The following NBPF8 variants were observed in gnomAD, a reference collection of about 807,000 sequenced individuals.
NBPF8 encodes NBPF member 8.
chr1:120,460,342 C>A lies in NBPF8; in HGVS notation n.2785-231C>A, dbSNP rs1366144191. Among the ~76,000 whole-genome samples, 3 of 152,068 alleles carry A rather than the reference C, an allele frequency of 2.0e-5. No individual in the cohort carries two copies. The South Asian group carries it at 6.2e-4, about 31-fold the overall frequency. ...GTGTACATAAACCTAGGACAGAGCA[C>A]ATAGGGAAGATAACATTCCAACTCA... On this transcript the variant is annotated intron_variant and non_coding_transcript_variant, in intron 17 of 24. Coordinates refer to ENST00000583271, the Ensembl canonical transcript of NBPF8.
upstream of NBPF8, among the ~76,000 whole-genome samples, chr1:120,434,341 T>TG (rs1661006299): frequency 6.8e-6 from 1 of 147,316 alleles, no homozygotes. Flanking sequence ...TATATATTCA[T>TG]GTGTGTGTAT....
exon 1 of NBPF8, chr1:120,436,536 C>A: frequency 1.3e-6 from 2 of 1,532,586 alleles, no homozygotes; most frequent in East Asian, 4.5e-5. Flanking sequence ...GTGGTATCAG[C>A]CGGCCCTTGG....
At chr1:120,422,960 T>C (rs1332251200) in intron 1 of NBPF8, among the ~76,000 whole-genome samples, 1 of 102 alleles carries the variant, frequency 9.8e-3, no homozygotes, top group Non-Finnish European at 0.02. Context: ...ATCTTTCACC[T>C]TTTTTTTTTT....
chr1:120,466,178 GTCTCT>G, exon 25 of NBPF8: 6 of 1,609,640 alleles, frequency 3.7e-6, no homozygotes, highest in African/African-American at 1.3e-5. Flanking sequence ...ACGGTGACAA[GTCTCT>G]ATCTGGTCTT....
Position 120,431,252 on chromosome 1 carries a change from C to CGT in NBPF8, n.510+3434_510+3435dup, listed in dbSNP as rs1173094212. 4.8e-3 allele frequency among the ~76,000 whole-genome samples: 603 copies of CGT among 125,310 alleles called. 1 individual carries two copies. The highest frequency in any genetic ancestry group is 0.021 in the Middle Eastern group (5 of 240). 82.2% of individuals were successfully genotyped at this position (125,310 alleles called of 152,430 possible). A position where few individuals can be genotyped will look rare whatever the true frequency, so the allele number is the denominator to read the frequency against. ...ATGTATACACACATACACACACAAA[C>CGT]GTGTGTGTGTGTGTGTGTGTGTGTG... On this transcript the variant is annotated intron_variant and non_coding_transcript_variant, in intron 3 of 28. Transcript: ENST00000652355.
rs1661284140 is a variant in NBPF8 at position 120,451,863 on chromosome 1, A to C, written n.2075-254A>C. Among the ~76,000 whole-genome samples, 3 of 151,262 alleles carry C rather than the reference A, an allele frequency of 2.0e-5. No individual in the cohort carries two copies. The South Asian group carries it at 6.3e-4, about 32-fold the overall frequency. On this transcript the variant is annotated intron_variant and non_coding_transcript_variant, in intron 12 of 24. Transcript: ENST00000583271. Reference sequence around the variant, plus strand: ...CTTTTTGAAATGGAATTAGGAAGACACCTACTTTTGTTTACAGAAGAGAAA... The same window carrying C: ...CTTTTTGAAATGGAATTAGGAAGACCCCTACTTTTGTTTACAGAAGAGAAA...
chr1:120,450,858 G>T (rs1661247979), intron 11 of NBPF8, among the ~76,000 whole-genome samples: 1 of 151,874 alleles, frequency 6.6e-6, no homozygotes, highest in African/African-American at 2.4e-5. Context: ...TAGAGGAGAG[G>T]CTGCAAGGCT....
Position 120,464,447 on chromosome 1 carries a change from C to T in NBPF8, n.3358C>T, listed in dbSNP as rs1473057997. ...GACTCACTGGATAGATGTTATTCAA[C>T]TCCTTCCAGTTGTCTTGAACAGCCT... On this transcript the variant is annotated non_coding_transcript_exon_variant, in exon 23 of 25. Coordinates refer to ENST00000583271, the Ensembl canonical transcript of NBPF8. 1.8e-5 allele frequency: 14 copies of T among 785,618 alleles called. 1 individual carries two copies. The Admixed American group carries it at 2.4e-4, about 13-fold the overall frequency. 48.7% of individuals were successfully genotyped at this position (785,618 alleles called of 1,614,324 possible). A position where few individuals can be genotyped will look rare whatever the true frequency, so the allele number is the denominator to read the frequency against.
chr1:120,463,026 T>C (rs1375605643), intron 21 of NBPF8, 60 bp downstream of exon 19: 18 of 613,418 alleles, frequency 2.9e-5, no homozygotes, highest in Non-Finnish European at 4.8e-5. Flanking sequence ...AGGGGTGATA[T>C]TCCTGTTCCA....
chr1:120,454,508 C>A (rs1661378585), intron 15 of NBPF8, among the ~76,000 whole-genome samples: 2 of 152,014 alleles, frequency 1.3e-5, no homozygotes, highest in Non-Finnish European at 2.9e-5. Context: ...ATTATTGTTC[C>A]CCAGGCTTCA....
chr1:120,425,900 T>TC (rs1338070802), intron 2 of NBPF8, among the ~76,000 whole-genome samples: 2 of 115,482 alleles, frequency 1.7e-5, no homozygotes, highest in African/African-American at 6.9e-5. Context: ...TTGATTTTTT[T>TC]CTCTTAGAGG....
chr1:120,459,455 G>T, exon 17 of NBPF8: 2 of 1,610,788 alleles, frequency 1.2e-6, no homozygotes, highest in Non-Finnish European at 1.7e-6. Context: ...TGAAATGTTG[G>T]CCTCGTACAA....
chr1:120,434,339 C>T (rs1211434388), upstream of NBPF8, among the ~76,000 whole-genome samples: 18 of 143,978 alleles, frequency 1.3e-4, no homozygotes, highest in Admixed American at 5.6e-4. Context: ...TATATATATT[C>T]ATGTGTGTGT....
chr1:120,415,034 C>G (rs2938055), upstream of NBPF8, among the ~76,000 whole-genome samples: 2 of 151,988 alleles, frequency 1.3e-5, no homozygotes. Flanking sequence ...CCTGACGCGC[C>G]GAGCGGGACC....
intron 17 of NBPF8, 148 bp from the exon 16 acceptor site, chr1:120,460,425 C>T: frequency 2.7e-6 from 2 of 753,406 alleles, no homozygotes; most frequent in Non-Finnish European, 4.8e-6. Context: ...AAGACTTGAC[C>T]TCAGGCCTAC....
intron 1 of NBPF8, among the ~76,000 whole-genome samples, chr1:120,422,829 A>G (rs1197220159): frequency 9.2e-6 from 1 of 108,402 alleles, no homozygotes. Flanking sequence ...TGTTTTAGCC[A>G]TTCTGATAGG....
intron 1 of NBPF8, among the ~76,000 whole-genome samples, chr1:120,421,255 T>A (rs1365206725): frequency 6.6e-6 from 1 of 152,206 alleles, no homozygotes; most frequent in Non-Finnish European, 1.5e-5. Context: ...AGTGCGTCTG[T>A]CTCCAATAAC....
At chr1:120,466,367 C>G in exon 25 of NBPF8, 1 of 1,197,550 alleles carries the variant, frequency 8.4e-7, no homozygotes, top group East Asian at 2.5e-5. Context: ...TCAGAGCATG[C>G]CAGTGGCAAC....
chr1:120,423,937 C>T (rs1353002235), intron 1 of NBPF8, among the ~76,000 whole-genome samples: 1 of 151,562 alleles, frequency 6.6e-6, no homozygotes, highest in African/African-American at 2.4e-5. Flanking sequence ...AAATAGAAAC[C>T]CAAAAGTTTG....
Sources: gnomAD v4.1 joint callset for allele counts (sites outside exome capture counted in the v4.1 genomes callset) on GRCh38, gnomAD v4.1.1 for gene constraint, MANE v1.5 for transcripts, NCBI Gene and HGNC (gene_info 2026-07-23, HGNC 2026-07-21) for gene names.